Variants in SEMA6D observed in about 807,000 individuals in gnomAD.
The protein encoded by SEMA6D is semaphorin 6D.
In SEMA6D, 35 loss-of-function variants were observed where a neutral mutation model predicts 106.6. That is an observed-to-expected ratio of 0.33 (90% CI 0.25 to 0.44). The LOEUF (loss-of-function observed/expected upper bound fraction) is 0.44, where lower values mean the gene tolerates loss of function less well. SEMA6D is among the 20% of genes least tolerant of loss of function. SEMA6D has a pLI of 1.00. For missense variants in SEMA6D, 1,185 were observed against 1,345.9 expected (o/e 0.88, Z 1.87); for synonymous variants, 499 against 487.7 (o/e 1.02, Z -0.31).
intron 3 of SEMA6D, among the ~76,000 whole-genome samples, chr15:47,570,188 C>G (rs79155097): frequency 0.028 from 4,279 of 152,238 alleles, 95 homozygotes; most frequent in Non-Finnish European, 0.039. Context: ...CTGCCCCACC[C>G]CATTCTGACA....
In SEMA6D at chr15:47,667,631, T is replaced by G. The variant is rs544739590; in HGVS notation, c.-55+66735T>G. Among the ~76,000 whole-genome samples the G allele has an allele frequency of 1.5e-3, 232 of 152,310 alleles. 1 individual carries two copies. The highest frequency in any genetic ancestry group is 5.4e-3 in the African/African-American group (224 of 41,570). ...TGGGAAGTCCAGGACCAAGGAAGAC[T>G]TGATGTCCGGTGAGAGTGCACTTCC... On this transcript the variant is annotated intron_variant, in intron 4 of 19. Coordinates refer to the SEMA6D transcript ENST00000558014.
intron 3 of SEMA6D, among the ~76,000 whole-genome samples, chr15:47,535,608 T>A (rs751683888): frequency 6.6e-6 from 1 of 151,810 alleles, no homozygotes; most frequent in African/African-American, 2.4e-5. Context: ...ATCAGGTAAG[T>A]TGATACCCTA....
At chr15:47,208,221 T>G (rs1895243708) in intron 1 of SEMA6D, among the ~76,000 whole-genome samples, 1 of 152,136 alleles carries the variant, frequency 6.6e-6, no homozygotes, top group Non-Finnish European at 1.5e-5. Context: ...ATGGGATTAT[T>G]ATACTGATTA....
At chr15:47,466,852 T>G (rs907814118) in intron 2 of SEMA6D, among the ~76,000 whole-genome samples, 5 of 150,394 alleles carry the variant, frequency 3.3e-5, no homozygotes, top group Non-Finnish European at 7.4e-5. Context: ...TCAGCCTCCC[T>G]AGTAGCTGGG....
At chr15:47,676,976 A>G (rs929489960) in intron 4 of SEMA6D, among the ~76,000 whole-genome samples, 8 of 152,150 alleles carry the variant, frequency 5.3e-5, no homozygotes, top group Admixed American at 2.6e-4. Context: ...ACCTCAGATC[A>G]TCAGGCATTA....
chr15:47,221,381 T>C (rs1027679368), intron 1 of SEMA6D, among the ~76,000 whole-genome samples: 4 of 152,226 alleles, frequency 2.6e-5, no homozygotes, highest in Admixed American at 6.5e-5. Flanking sequence ...TTCCCTGTTA[T>C]TGCAACTCCC....
chr15:47,645,258 G>A (rs551283580), intron 4 of SEMA6D, among the ~76,000 whole-genome samples: 35 of 152,278 alleles, frequency 2.3e-4, no homozygotes, highest in African/African-American at 7.7e-4. Flanking sequence ...GAAAATGAGC[G>A]TCACTTCTTC....
chr15:47,362,277 T>C (rs1040603425), intron 1 of SEMA6D, among the ~76,000 whole-genome samples: 2 of 152,198 alleles, frequency 1.3e-5, no homozygotes, highest in African/African-American at 4.8e-5. Flanking sequence ...TCTGTGAGAA[T>C]AGCAATACTA....
At chr15:47,190,353 A>T (rs1192897319) in intron 1 of SEMA6D, among the ~76,000 whole-genome samples, 3 of 152,212 alleles carry the variant, frequency 2.0e-5, no homozygotes, top group Non-Finnish European at 4.4e-5. Context: ...AAACTTGAAA[A>T]TTTACCAAGT....
intron 1 of SEMA6D, among the ~76,000 whole-genome samples, chr15:47,411,357 A>C (rs2140296584): frequency 6.6e-6 from 1 of 152,058 alleles, no homozygotes; most frequent in South Asian, 2.1e-4. Context: ...AGCCTCCCAA[A>C]GTGCTGGGAT....
At chr15:47,256,367 C>T (rs533773717) in intron 1 of SEMA6D, among the ~76,000 whole-genome samples, 1 of 152,250 alleles carries the variant, frequency 6.6e-6, no homozygotes, top group South Asian at 2.1e-4. Flanking sequence ...TATTCATGTT[C>T]TCTTTCTTTC....
chr15:47,485,217 G>A (rs764190292), intron 3 of SEMA6D, among the ~76,000 whole-genome samples: 2 of 152,150 alleles, frequency 1.3e-5, no homozygotes, highest in African/African-American at 2.4e-5. Flanking sequence ...ATTATGACCT[G>A]CAAGGCAGGC....
At chr15:47,395,009 A>T (rs1299339782) in intron 1 of SEMA6D, among the ~76,000 whole-genome samples, 1 of 152,030 alleles carries the variant, frequency 6.6e-6, no homozygotes, top group Non-Finnish European at 1.5e-5. Flanking sequence ...TTTTTCTGAG[A>T]TGCCATGTCC....
intron 1 of SEMA6D, among the ~76,000 whole-genome samples, chr15:47,725,588 C>T (rs1207692642): frequency 2.6e-5 from 4 of 152,004 alleles, no homozygotes; most frequent in African/African-American, 4.8e-5. Flanking sequence ...TACTCAACCC[C>T]CTCACCCAAG....
At chr15:47,336,822 A>T (rs2037579611) in intron 1 of SEMA6D, among the ~76,000 whole-genome samples, 1 of 152,120 alleles carries the variant, frequency 6.6e-6, no homozygotes, top group African/African-American at 2.4e-5. Flanking sequence ...TCTCCACTGG[A>T]GCTGCTTGGT....
intron 3 of SEMA6D, among the ~76,000 whole-genome samples, chr15:47,486,396 G>T (rs1056754472): frequency 5.1e-4 from 77 of 152,146 alleles, no homozygotes; most frequent in African/African-American, 1.8e-3. Flanking sequence ...GTAGGCAAAG[G>T]TCTTGTATTT....
intron 3 of SEMA6D, among the ~76,000 whole-genome samples, chr15:47,570,655 G>A (rs925238333): frequency 3.3e-5 from 5 of 152,126 alleles, no homozygotes; most frequent in African/African-American, 4.8e-5. Context: ...CAGGCCCGGC[G>A]CAGCCTCGTC....
intron 2 of SEMA6D, among the ~76,000 whole-genome samples, chr15:47,468,882 G>T (rs1436125205): frequency 6.6e-6 from 1 of 152,114 alleles, no homozygotes; most frequent in Non-Finnish European, 1.5e-5. Context: ...CATTCAGAAT[G>T]ATTTCCAAGA....
At chr15:47,389,703 G>T (rs956097491) in intron 1 of SEMA6D, among the ~76,000 whole-genome samples, 2 of 152,078 alleles carry the variant, frequency 1.3e-5, no homozygotes, top group Non-Finnish European at 2.9e-5. Context: ...TAGAAAACCC[G>T]AAGTGTCTTA....
Sources: allele counts gnomAD v4.1 joint callset (sites outside exome capture counted in the v4.1 genomes callset), GRCh38; gene constraint gnomAD v4.1.1; transcripts MANE v1.5; gene names NCBI Gene and HGNC (gene_info 2026-07-23, HGNC 2026-07-21).